SEMA5A: variants seen among roughly 807,000 people sequenced by gnomAD.
SEMA5A encodes the protein semaphorin 5A.
SEMA5A carries 55 observed loss-of-function variants against 135.5 expected under a neutral mutation model. The observed-to-expected ratio is 0.41, with a 90% confidence interval of 0.33 to 0.51. The LOEUF (loss-of-function observed/expected upper bound fraction) is 0.51, where lower values mean the gene tolerates loss of function less well. Ranked by LOEUF, SEMA5A falls within the 20% of genes least tolerant of loss-of-function variation. SEMA5A has a pLI of 0.37. For missense variants in SEMA5A, 1,290 were observed against 1,419.9 expected (o/e 0.91, Z 1.47); for synonymous variants, 580 against 546.5 (o/e 1.06, Z -0.85).
intron 12 of SEMA5A, among the ~76,000 whole-genome samples, chr5:9,153,366 T>C (rs978780570): frequency 6.6e-6 from 1 of 152,178 alleles, no homozygotes; most frequent in African/African-American, 2.4e-5. Flanking sequence ...TGGTCAGGTG[T>C]GTGATGTATA....
At position 9,499,937 on chromosome 5, in the gene SEMA5A, G is replaced by GA. The variant is rs1178297705; in HGVS notation, c.-175+45646dup. On this transcript the variant is annotated intron_variant, in intron 1 of 22. Coordinates refer to ENST00000382496, the MANE Select transcript of SEMA5A (RefSeq NM_003966.3). ...AAAAGTCTGAAGCTGGTTCTGCCCT[G>GA]AAAAAAAAAAGGTTTTATTTTACAG... Among the ~76,000 whole-genome samples the GA allele has an allele frequency of 5.6e-3, 810 of 144,268 alleles. 5 individuals are homozygous for GA. Among genetic ancestry groups the GA allele is most frequent in the African/African-American group, 0.017 (670 of 39,210 alleles). 94.6% of individuals were successfully genotyped at this position (144,268 alleles called of 152,430 possible).
At chr5:9,251,851 C>T (rs1470414484) in intron 5 of SEMA5A, among the ~76,000 whole-genome samples, 1 of 152,174 alleles carries the variant, frequency 6.6e-6, no homozygotes, top group East Asian at 1.9e-4. Flanking sequence ...TTCTGCCCAT[C>T]ATAACTAACT....
At chr5:9,467,338 T>A (rs1330842667) in intron 1 of SEMA5A, among the ~76,000 whole-genome samples, 1 of 152,090 alleles carries the variant, frequency 6.6e-6, no homozygotes, top group South Asian at 2.1e-4. Context: ...TGTCTTGAAC[T>A]GTTGACCTCA....
intron 3 of SEMA5A, chr5:9,363,419 A>C (rs1052241696): frequency 3.7e-5 from 4 of 108,426 alleles, no homozygotes; most frequent in Admixed American, 2.8e-4. Context: ...CACCTCCTGC[A>C]GTAGGTAAGG....
At chr5:9,280,638 C>T (rs1314823885) in intron 5 of SEMA5A, among the ~76,000 whole-genome samples, 4 of 152,202 alleles carry the variant, frequency 2.6e-5, no homozygotes, top group Non-Finnish European at 5.9e-5. Context: ...GTGTTCAATA[C>T]TTCAGTTATT....
rs544390733 is a variant in SEMA5A at position 9,518,789 on chromosome 5, G to C, written c.-175+26795C>G. Among the ~76,000 whole-genome samples the C allele has an allele frequency of 2.0e-5, 3 of 152,292 alleles. No homozygotes were observed. In the East Asian group the frequency reaches 5.8e-4, roughly 29 times the overall value. Reference sequence around the variant, plus strand: ...AATGACCACTTTATTTTAAAAAACAGAGGAGATGCTGACTCAAAACAGAAG... The same window carrying C: ...AATGACCACTTTATTTTAAAAAACACAGGAGATGCTGACTCAAAACAGAAG... On this transcript the variant is annotated intron_variant, in intron 1 of 22. Coordinates refer to ENST00000382496, the MANE Select transcript of SEMA5A (RefSeq NM_003966.3).
At chr5:9,512,944 AAT>A (rs1285313960) in intron 1 of SEMA5A, among the ~76,000 whole-genome samples, 1 of 152,040 alleles carries the variant, frequency 6.6e-6, no homozygotes, top group Non-Finnish European at 1.5e-5. Flanking sequence ...TTGCAAACCA[AAT>A]AGAGTTCTGT....
chr5:9,192,586 G>T (rs1745173361), intron 10 of SEMA5A, among the ~76,000 whole-genome samples: 1 of 144,784 alleles, frequency 6.9e-6, no homozygotes. Context: ...TTGGGGGGGG[G>T]AGGGGATGTG....
At chr5:9,449,571 A>G (rs1026663098) in intron 1 of SEMA5A, among the ~76,000 whole-genome samples, 4 of 152,054 alleles carry the variant, frequency 2.6e-5, no homozygotes, top group African/African-American at 7.3e-5. Flanking sequence ...GGAACTTAAA[A>G]TAAAAGTTGA....
At chr5:9,091,316 T>C (rs867743515) in intron 16 of SEMA5A, among the ~76,000 whole-genome samples, 1 of 152,152 alleles carries the variant, frequency 6.6e-6, no homozygotes, top group African/African-American at 2.4e-5. Context: ...CAGAATGAAA[T>C]GGTGTTTCCC....
chr5:9,532,368 C>T (rs900129116), intron 1 of SEMA5A, among the ~76,000 whole-genome samples: 1 of 151,728 alleles, frequency 6.6e-6, no homozygotes, highest in African/African-American at 2.4e-5. Flanking sequence ...TGGGTTCAAG[C>T]ATTTCTCCTG....
rs1255481591 is a variant in SEMA5A, at chr5:9,040,545, TAAG to T, written c.*2349_*2351del. The T allele has an allele frequency of 1.3e-5, 2 of 152,176 alleles. No homozygotes were observed. The highest frequency in any genetic ancestry group is 6.5e-5 in the Admixed American group (1 of 15,274). 9.4% of individuals were successfully genotyped at this position (152,176 alleles called of 1,614,324 possible). On this transcript the variant is annotated 3_prime_UTR_variant, in exon 23 of 23. Transcript: ENST00000382496. ...TCTAAACACTTGCTATTCTGTCAAA[TAAG>T]AGAGAGAGAGAAAGGAAGAGAGATA...
At chr5:9,079,992 C>T (rs557465409) in intron 16 of SEMA5A, among the ~76,000 whole-genome samples, 10 of 152,244 alleles carry the variant, frequency 6.6e-5, no homozygotes, top group African/African-American at 2.4e-4. Flanking sequence ...AGTGTAGCGA[C>T]TCCTCAAGGA....
At chr5:9,509,036 C>T (rs1736062101) in intron 1 of SEMA5A, among the ~76,000 whole-genome samples, 1 of 152,042 alleles carries the variant, frequency 6.6e-6, no homozygotes, top group Non-Finnish European at 1.5e-5. Context: ...TTTACATAAT[C>T]TGCAAGCACT....
At chr5:9,201,544 T>C (rs1579600406) in intron 9 of SEMA5A, among the ~76,000 whole-genome samples, 1 of 152,228 alleles carries the variant, frequency 6.6e-6, no homozygotes, top group East Asian at 1.9e-4. Flanking sequence ...AGCCATGTTA[T>C]CTCAAAGATT....
intron 5 of SEMA5A, among the ~76,000 whole-genome samples, chr5:9,275,302 T>C (rs1750199454): frequency 6.6e-6 from 1 of 151,364 alleles, no homozygotes; most frequent in Admixed American, 6.6e-5. Flanking sequence ...AATCCTTGAG[T>C]AGACCAATAA....
chr5:9,285,362 A>G (rs1220265266), intron 5 of SEMA5A, among the ~76,000 whole-genome samples: 1 of 152,128 alleles, frequency 6.6e-6, no homozygotes, highest in East Asian at 1.9e-4. Flanking sequence ...CTCAAGCTTC[A>G]ATCACTGGGC....
rs189618508 is a variant in SEMA5A, at chr5:9,037,231, C to T, written c.*5666G>A. 6.0e-4 allele frequency: 92 copies of T among 152,310 alleles called. No individual in the cohort carries two copies. Among genetic ancestry groups the T allele is most frequent in the African/African-American group, 2.2e-3 (90 of 41,556 alleles). The allele number at this position is 152,310 out of a possible 1,614,324, so 9.4% of individuals were successfully genotyped here. A position where few individuals can be genotyped will look rare whatever the true frequency, so the allele number is the denominator to read the frequency against. ...CTGCCATTGCGCCAACACTGTAAAA[C>T]ATGTTTGCTTGAGCAAGAATTGATA... On this transcript the variant is annotated 3_prime_UTR_variant, in exon 23 of 23. Coordinates refer to ENST00000382496, the MANE Select transcript of SEMA5A (RefSeq NM_003966.3).
chr5:9,521,474 T>C (rs1223550008), intron 1 of SEMA5A, among the ~76,000 whole-genome samples: 5 of 145,858 alleles, frequency 3.4e-5, no homozygotes, highest in Admixed American at 2.1e-4. Context: ...TAAAAAAAGA[T>C]GCAAATGCTC....
Sources: allele counts gnomAD v4.1 joint callset (sites outside exome capture counted in the v4.1 genomes callset), GRCh38; gene constraint gnomAD v4.1.1; transcripts MANE v1.5; gene names NCBI Gene and HGNC (gene_info 2026-07-23, HGNC 2026-07-21).